The following ADGRG6 variants were observed in gnomAD, a reference collection of about 807,000 sequenced individuals.
ADGRG6 encodes adhesion G protein-coupled receptor G6.
ADGRG6 carries 84 observed loss-of-function variants against 142.4 expected under a neutral mutation model. That is an observed-to-expected ratio of 0.59 (90% CI 0.49 to 0.71). The LOEUF is 0.71. ADGRG6 is among the 30% of genes least tolerant of loss of function. The pLI is 0.00. For synonymous variants in ADGRG6, 521 were observed against 520.5 expected, an observed-to-expected ratio of 1.00 and a Z score of -0.01; for missense variants, 1,367 against 1,466.6, an observed-to-expected ratio of 0.93 and a Z score of 1.11.
At chr6:142,302,446 C>A in intron 1 of ADGRG6, 115 bp downstream of exon 1, 2 of 1,106,268 alleles carry the variant, frequency 1.8e-6, no homozygotes, top group Non-Finnish European at 2.6e-6. Flanking sequence ...AGGACTTCAA[C>A]TGCACGGAGG....
chr6:142,327,283 T>A (rs80307481), intron 2 of ADGRG6, among the ~76,000 whole-genome samples: 1,685 of 151,920 alleles, frequency 0.011, 34 homozygotes, highest in African/African-American at 0.038. Context: ...AAAAAAAGTC[T>A]TTGGGGACTA....
intron 2 of ADGRG6, among the ~76,000 whole-genome samples, chr6:142,337,773 A>G (rs1430423740): frequency 1.3e-5 from 2 of 151,986 alleles, no homozygotes; most frequent in Non-Finnish European, 2.9e-5. Flanking sequence ...GTCCAGCTCT[A>G]TTTGGAATAA....
In ADGRG6 at chr6:142,417,273, G is replaced by T; in HGVS notation, c.2939G>T (p.Gly980Val). ...TTGTGTCATGGTGTTTTTGTAACAG[G>T]TTTGCCTGCCTTAGTGGTGTCAGTT... ...YILKFCIIGW[G>V]LPALVVSVVL... is the part of the protein sequence containing the mutation. Residue 980 changes from glycine to valine, a missense_variant and splice_region_variant, in exon 21 of 25, where the codon GGT becomes GTT. Transcript: ENST00000367609. The T allele has an allele frequency of 6.4e-7, 1 of 1,564,450 alleles. No homozygotes were observed. Among genetic ancestry groups the T allele is most frequent in the Non-Finnish European group, 8.8e-7 (1 of 1,136,970 alleles).
chr6:142,411,835 G>A (rs80084513), intron 18 of ADGRG6, among the ~76,000 whole-genome samples: 10,336 of 152,092 alleles, frequency 0.068, 866 homozygotes, highest in African/African-American at 0.2. Context: ...TTCTTATGTT[G>A]TCACTCATTC....
chr6:142,302,116 C>T lies in ADGRG6; in HGVS notation c.-214C>T, dbSNP rs1359518189. On this transcript the variant is annotated 5_prime_UTR_variant, in exon 1 of 25. Transcript: ENST00000367609. ...CCTGCCGCCAGCCTGCTTCCTCGTC[C>T]GCAGGCCCTGCGCTGAACGCTGCCG... The T allele has an allele frequency of 1.3e-5, 7 of 546,798 alleles. No homozygotes were observed. The highest frequency in any genetic ancestry group is 2.2e-5 in the Non-Finnish European group (7 of 311,628). The allele number at this position is 546,798 out of a possible 1,614,324, so 33.9% of individuals were successfully genotyped here. A position where few individuals can be genotyped will look rare whatever the true frequency, so the allele number is the denominator to read the frequency against.
intron 22 of ADGRG6, among the ~76,000 whole-genome samples, chr6:142,430,504 T>C (rs1316303063): frequency 2.6e-5 from 4 of 152,240 alleles, no homozygotes. Context: ...TCCCTTTGGC[T>C]ACTGATTTTA....
At chr6:142,384,787 T>C (rs1781946169) in intron 6 of ADGRG6, among the ~76,000 whole-genome samples, 1 of 151,846 alleles carries the variant, frequency 6.6e-6, no homozygotes, top group Non-Finnish European at 1.5e-5. Context: ...TTTCTTGGCT[T>C]CAGAGGTTAC....
chr6:142,398,317 G>T (rs1775310190), intron 10 of ADGRG6, among the ~76,000 whole-genome samples: 1 of 152,168 alleles, frequency 6.6e-6, no homozygotes, highest in Non-Finnish European at 1.5e-5. Context: ...TCAGTTACTA[G>T]GCGGGGCTGA....
rs1399242268 is a variant in ADGRG6 at position 142,397,656 on chromosome 6, A to C, written c.1468A>C (p.Thr490Pro). The change falls in exon 10 of 25, where the codon ACT (threonine) becomes CCT (proline). Residue 490 changes from threonine (T) to proline (P), a missense_variant. By Grantham distance (38) the Thr-to-Pro change is conservative. Coordinates refer to ENST00000367609, the MANE Select transcript of ADGRG6 (RefSeq NM_198569.3). ...TCTAGTTTACAATGCTACCAACAAT[A>C]CTAATTTGGAAGGAAAAATCATTCA... ...ALLVYNATNN[T>P]NLEGKIIQQK... 1 of 1,608,612 alleles carries C rather than the reference A, an allele frequency of 6.2e-7. No individual in the cohort carries two copies. Among genetic ancestry groups the C allele is most frequent in the South Asian group, 1.1e-5 (1 of 90,550 alleles).
rs1777932512 is a variant in ADGRG6 at position 142,445,418 on chromosome 6, A to G, written c.*1903A>G. ...CTGAATATTCATATACATTTCCCCC[A>G]AAACCTTAGACATTCATAGTAGATT... On this transcript the variant is annotated 3_prime_UTR_variant, in exon 25 of 25. Coordinates refer to ENST00000367609, the MANE Select transcript of ADGRG6 (RefSeq NM_198569.3). The G allele has an allele frequency of 6.6e-6, 1 of 152,166 alleles. No homozygotes were observed. The highest frequency in any genetic ancestry group is 1.5e-5 in the Non-Finnish European group (1 of 68,024). The allele number at this position is 152,166 out of a possible 1,614,324, so 9.4% of individuals were successfully genotyped here.
chr6:142,430,541 A>C (rs1283998366), intron 22 of ADGRG6, among the ~76,000 whole-genome samples: 1 of 152,212 alleles, frequency 6.6e-6, no homozygotes, highest in East Asian at 1.9e-4. Flanking sequence ...GCCATGGATC[A>C]TAGCCTGAAA....
At chr6:142,415,680 G>A (rs1474439673) in intron 19 of ADGRG6, 116 bp from the exon 20 acceptor site, 4 of 659,926 alleles carry the variant, frequency 6.1e-6, no homozygotes, top group Admixed American at 5.5e-5. Context: ...CATCAGAAAG[G>A]TGGTGCTACT....
chr6:142,330,522 T>A (rs1779001266), intron 2 of ADGRG6, among the ~76,000 whole-genome samples: 1 of 152,208 alleles, frequency 6.6e-6, no homozygotes, highest in African/African-American at 2.4e-5. Context: ...ACCCTCAATG[T>A]AATATACTAG....
At chr6:142,333,473 G>T (rs748107431) in intron 2 of ADGRG6, among the ~76,000 whole-genome samples, 1 of 152,150 alleles carries the variant, frequency 6.6e-6, no homozygotes, top group South Asian at 2.1e-4. Flanking sequence ...ACTGAATGTT[G>T]CAGTCAGGCA....
In ADGRG6 at chr6:142,360,024, C is replaced by T. The variant is rs528523611; in HGVS notation, c.104-7545C>T. Among the ~76,000 whole-genome samples, 7 of 152,268 alleles carry T rather than the reference C, an allele frequency of 4.6e-5. No homozygotes were observed. The South Asian group carries it at 1.5e-3, about 32-fold the overall frequency. ...AGAGAGAAAGGATGAGAACCTTAAA[C>T]TACAGGACCTTAAACTGTGGGAATG... On this transcript the variant is annotated intron_variant, in intron 2 of 24. Coordinates refer to ENST00000367609, the MANE Select transcript of ADGRG6 (RefSeq NM_198569.3).
At chr6:142,330,754 G>T (rs1433636656) in intron 2 of ADGRG6, among the ~76,000 whole-genome samples, 1 of 151,920 alleles carries the variant, frequency 6.6e-6, no homozygotes, top group African/African-American at 2.4e-5. Flanking sequence ...TCATTAATTT[G>T]GGGTTTTGAG....
chr6:142,443,478 T>C lies in ADGRG6; in HGVS notation c.3716T>C (p.Ile1239Thr). The part of the protein sequence containing the change: ...AHSDNFYKNI[I>T]MSDTFSHSTK... ...TCAGACAACTTCTATAAAAATATTATCATGTCAGACACCTTCAGCCACAGC... is the reference window on the plus strand; with the variant it reads ...TCAGACAACTTCTATAAAAATATTACCATGTCAGACACCTTCAGCCACAGC... The change falls in exon 25 of 25, where the codon ATC becomes ACC. Residue 1239 changes from isoleucine to threonine, a missense_variant. Coordinates refer to ENST00000367609, the MANE Select transcript of ADGRG6 (RefSeq NM_198569.3). The C allele has an allele frequency of 1.2e-6, 2 of 1,612,128 alleles. No homozygotes were observed. Among genetic ancestry groups the C allele is most frequent in the Non-Finnish European group, 8.5e-7 (1 of 1,178,472 alleles).
chr6:142,308,635 T>C (rs949001490), intron 1 of ADGRG6, among the ~76,000 whole-genome samples: 1 of 151,902 alleles, frequency 6.6e-6, no homozygotes, highest in Non-Finnish European at 1.5e-5. Flanking sequence ...TTTTCAGGTT[T>C]CCTGGAGATT....
chr6:142,331,069 G>A (rs1192481931), intron 2 of ADGRG6, among the ~76,000 whole-genome samples: 1 of 151,772 alleles, frequency 6.6e-6, no homozygotes, highest in Non-Finnish European at 1.5e-5. Flanking sequence ...CTCCTTTGGA[G>A]TTGAGGTCAG....
Sources: allele counts gnomAD v4.1 joint callset (sites outside exome capture counted in the v4.1 genomes callset), GRCh38; gene constraint gnomAD v4.1.1; transcripts MANE v1.5; gene names NCBI Gene and HGNC (gene_info 2026-07-23, HGNC 2026-07-21).